Variants in SEMA3A observed in about 807,000 individuals in gnomAD.
SEMA3A encodes the protein semaphorin 3A.
SEMA3A carries 29 observed loss-of-function variants against 97.9 expected under a neutral mutation model. That is an observed-to-expected ratio of 0.30 (90% CI 0.22 to 0.40). SEMA3A has a LOEUF of 0.40. SEMA3A is among the 10% of genes least tolerant of loss of function. The pLI is 1.00. For missense variants in SEMA3A, 763 were observed against 951.3 expected (o/e 0.80, Z 2.60); for synonymous variants, 321 against 323.7 (o/e 0.99, Z 0.09).
At chr7:84,279,333 A>G (rs552107843) in intron 3 of SEMA3A, among the ~76,000 whole-genome samples, 1 of 152,290 alleles carries the variant, frequency 6.6e-6, no homozygotes, top group African/African-American at 2.4e-5. Context: ...TGTAATAAGA[A>G]GGACATAGCA....
At chr7:84,328,710 C>T (rs1361533615) in intron 2 of SEMA3A, among the ~76,000 whole-genome samples, 2 of 151,934 alleles carry the variant, frequency 1.3e-5, no homozygotes, top group Non-Finnish European at 2.9e-5. Flanking sequence ...GTTCATTCAA[C>T]AAATATTTTC....
At chr7:84,241,426 T>A (rs1002050165) in intron 3 of SEMA3A, among the ~76,000 whole-genome samples, 1 of 152,228 alleles carries the variant, frequency 6.6e-6, no homozygotes, top group African/African-American at 2.4e-5. Flanking sequence ...TCTGCTCATA[T>A]CCTTGGCTCA....
intron 1 of SEMA3A, among the ~76,000 whole-genome samples, chr7:84,170,401 T>C (rs1401205319): frequency 6.6e-6 from 1 of 151,972 alleles, no homozygotes; most frequent in Non-Finnish European, 1.5e-5. Flanking sequence ...GAGATTTGAG[T>C]CTTTTTCAGT....
At chr7:84,435,563 G>T (rs920412266) in intron 1 of SEMA3A, among the ~76,000 whole-genome samples, 2 of 152,058 alleles carry the variant, frequency 1.3e-5, no homozygotes, top group Non-Finnish European at 2.9e-5. Context: ...AGCCAAGATC[G>T]GGCCAATGCC....
intron 2 of SEMA3A, among the ~76,000 whole-genome samples, chr7:84,311,365 T>G (rs1801312144): frequency 6.6e-6 from 1 of 151,950 alleles, no homozygotes; most frequent in African/African-American, 2.4e-5. Flanking sequence ...TTTGAGTAAA[T>G]GAAGGAATGT....
upstream of SEMA3A, among the ~76,000 whole-genome samples, chr7:84,195,903 C>G (rs913121144): frequency 6.6e-6 from 1 of 152,048 alleles, no homozygotes; most frequent in African/African-American, 2.4e-5. Flanking sequence ...TTCTGTGGGA[C>G]GTATAGGCAT....
chr7:84,022,895 C>T (rs891324745), intron 6 of SEMA3A, among the ~76,000 whole-genome samples: 3 of 152,190 alleles, frequency 2.0e-5, no homozygotes, highest in African/African-American at 7.2e-5. Flanking sequence ...AACAAACAAT[C>T]ACATTTACTA....
At chr7:84,348,676 G>A (rs1480402170) in intron 2 of SEMA3A, among the ~76,000 whole-genome samples, 1 of 152,048 alleles carries the variant, frequency 6.6e-6, no homozygotes, top group Non-Finnish European at 1.5e-5. Flanking sequence ...AAGAATCGCT[G>A]GAGTTTCCAT....
intron 3 of SEMA3A, among the ~76,000 whole-genome samples, chr7:84,248,143 C>T (rs1213438722): frequency 1.3e-5 from 2 of 152,052 alleles, no homozygotes; most frequent in Non-Finnish European, 2.9e-5. Flanking sequence ...GTCTCCTTTC[C>T]AGTAAATGAC....
chr7:84,254,785 C>G (rs1354647065), intron 3 of SEMA3A, among the ~76,000 whole-genome samples: 1 of 152,124 alleles, frequency 6.6e-6, no homozygotes, highest in Non-Finnish European at 1.5e-5. Context: ...TATCCATACT[C>G]TGACTTTTAT....
At chr7:84,097,976 A>G (rs939244112) in intron 4 of SEMA3A, among the ~76,000 whole-genome samples, 10 of 151,934 alleles carry the variant, frequency 6.6e-5, no homozygotes, top group African/African-American at 7.2e-5. Context: ...CAGCCTTTGG[A>G]AAAAAAATGT....
At chr7:84,327,512 G>A (rs1801800682) in intron 2 of SEMA3A, among the ~76,000 whole-genome samples, 1 of 151,734 alleles carries the variant, frequency 6.6e-6, no homozygotes, top group Non-Finnish European at 1.5e-5. Flanking sequence ...CATATAGCAA[G>A]GTACTATCAA....
chr7:84,389,640 T>C (rs1473314435), intron 1 of SEMA3A, among the ~76,000 whole-genome samples: 1 of 152,092 alleles, frequency 6.6e-6, no homozygotes, highest in African/African-American at 2.4e-5. Flanking sequence ...ATCCTTCCTA[T>C]ATACAATACA....
At chr7:84,489,502 A>G (rs1806664694) in intron 1 of SEMA3A, among the ~76,000 whole-genome samples, 1 of 143,800 alleles carries the variant, frequency 7.0e-6, no homozygotes, top group South Asian at 2.3e-4. Context: ...AGTTTCCAGG[A>G]ATTTATTTTG....
intron 4 of SEMA3A, among the ~76,000 whole-genome samples, chr7:84,081,408 C>T (rs182821390): frequency 2.3e-4 from 35 of 151,928 alleles, no homozygotes; most frequent in African/African-American, 6.8e-4. Flanking sequence ...CTGGCTAACA[C>T]GGTGAAACCC....
In SEMA3A at chr7:84,404,220, C is replaced by A. The variant is rs189132326; in HGVS notation, c.-245-32320G>T. Among the ~76,000 whole-genome samples the A allele has an allele frequency of 1.4e-3, 206 of 152,202 alleles. 1 individual carries two copies. The highest frequency in any genetic ancestry group is 2.1e-3 in the Non-Finnish European group (142 of 68,024). On this transcript the variant is annotated intron_variant, in intron 1 of 3. Coordinates refer to the SEMA3A transcript ENST00000424555. ...TTCAAGGACCTGATGGAGCTGAAAACCACAGGACGAGAACTACGTAATGAA... is the reference window on the plus strand; with the variant it reads ...TTCAAGGACCTGATGGAGCTGAAAAACACAGGACGAGAACTACGTAATGAA...
intron 3 of SEMA3A, among the ~76,000 whole-genome samples, chr7:84,299,585 TA>T (rs1800956826): frequency 6.6e-6 from 1 of 151,336 alleles, no homozygotes; most frequent in Non-Finnish European, 1.5e-5. Flanking sequence ...TTCTCACTTA[TA>T]AATACCAATG....
intron 1 of SEMA3A, among the ~76,000 whole-genome samples, chr7:84,396,755 G>T (rs1195988784): frequency 6.6e-6 from 1 of 151,694 alleles, no homozygotes. Flanking sequence ...GAAAAATAAT[G>T]TTTTTTTCTA....
At chr7:84,257,090 G>C (rs553954888) in intron 3 of SEMA3A, among the ~76,000 whole-genome samples, 2 of 152,066 alleles carry the variant, frequency 1.3e-5, no homozygotes, top group East Asian at 1.9e-4. Context: ...TCTCCACAAT[G>C]TTCCATGAAT....
Sources: gnomAD v4.1 joint callset for allele counts (sites outside exome capture counted in the v4.1 genomes callset) on GRCh38, gnomAD v4.1.1 for gene constraint, MANE v1.5 for transcripts, NCBI Gene and HGNC (gene_info 2026-07-23, HGNC 2026-07-21) for gene names.